The following TMEM114 variants were observed in gnomAD, a reference collection of about 807,000 sequenced individuals.
TMEM114 encodes the protein transmembrane protein 114, also known as claudin-26.
A neutral mutation model predicts 6.2 loss-of-function variants in TMEM114; 6 were observed. That is an observed-to-expected ratio of 0.97 (90% CI 0.53 to 1.91). The LOEUF (loss-of-function observed/expected upper bound fraction) is 1.91. Among genes scored for constraint, TMEM114 ranks in the 40% most tolerant of loss-of-function variants. The pLI is 0.01. For synonymous variants in TMEM114, 104 were observed against 73.0 expected, an observed-to-expected ratio of 1.42 and a Z score of -2.16; for missense variants, 218 against 158.3, an observed-to-expected ratio of 1.38 and a Z score of -2.02.
chr16:8,556,423 C>G (rs545025017), intron 2 of TMEM114, among the ~76,000 whole-genome samples: 56 of 152,292 alleles, frequency 3.7e-4, no homozygotes, highest in African/African-American at 1.3e-3. Context: ...TGTTCTAGAA[C>G]TAGATGGTGG....
At chr16:8,562,526 T>A (rs12924540) in intron 2 of TMEM114, among the ~76,000 whole-genome samples, 5 of 127,258 alleles carry the variant, frequency 3.9e-5, no homozygotes, top group Admixed American at 3.9e-4. Flanking sequence ...ATGAGTGAGT[T>A]AATGAGTGAG....
intron 3 of TMEM114, among the ~76,000 whole-genome samples, chr16:8,570,997 C>T (rs770635428): frequency 7.9e-5 from 12 of 152,050 alleles, no homozygotes; most frequent in Non-Finnish European, 1.5e-4. Flanking sequence ...ACTATTAATG[C>T]TAATAGTAAT....
intron 2 of TMEM114, 167 bp from the exon 3 acceptor site, chr16:8,572,391 C>G: frequency 1.3e-6 from 1 of 756,992 alleles, no homozygotes; most frequent in Non-Finnish European, 2.2e-6. Flanking sequence ...ACCATGACAA[C>G]AGTGGTTGAG....
intron 2 of TMEM114, among the ~76,000 whole-genome samples, chr16:8,579,454 T>TTA (rs562171900): frequency 0.027 from 4,083 of 150,554 alleles, 76 homozygotes; most frequent in Non-Finnish European, 0.043. Flanking sequence ...TTTTAAAATT[T>TTA]TATATATATA....
At chr16:8,587,314 GCTA>G (rs1902347435) in intron 2 of TMEM114, among the ~76,000 whole-genome samples, 1 of 152,150 alleles carries the variant, frequency 6.6e-6, no homozygotes, top group East Asian at 1.9e-4. Context: ...TGACTCATGG[GCTA>G]CTATGTGCCA....
chr16:8,550,428 T>G (rs9935926), intron 2 of TMEM114, among the ~76,000 whole-genome samples: 1 of 151,896 alleles, frequency 6.6e-6, no homozygotes, highest in Non-Finnish European at 1.5e-5. Context: ...CGCCTGCAAT[T>G]CCAGCACTTT....
At chr16:8,565,833 A>T (rs564354517), downstream of TMEM114, among the ~76,000 whole-genome samples, 6 of 152,284 alleles carry the variant, frequency 3.9e-5, no homozygotes, top group South Asian at 1.2e-3. Flanking sequence ...ATTTGGCTCC[A>T]TTGGGGCCCC....
downstream of TMEM114, among the ~76,000 whole-genome samples, chr16:8,532,908 C>T (rs1205180419): frequency 2.0e-5 from 3 of 151,536 alleles, no homozygotes; most frequent in Non-Finnish European, 2.9e-5. Flanking sequence ...TGGGTGACAG[C>T]GCAAGATTCC....
intron 3 of TMEM114, 47 bp from the exon 4 acceptor site, chr16:8,570,052 C>T: frequency 6.6e-7 from 1 of 1,514,630 alleles, no homozygotes; most frequent in South Asian, 1.3e-5. Context: ...CACCCCGCCC[C>T]AGCACTCCCC....
chr16:8,586,814 T>A lies in TMEM114; in HGVS notation c.301+2399A>T, dbSNP rs935159088. On this transcript the variant is annotated intron_variant, in intron 2 of 3. Transcript: ENST00000620492. ...CATGAGCCACCACGCCTGGCCGAATTCTTATAATTCTTGAAACAGTGCTTC... is the reference window on the plus strand; with the variant it reads ...CATGAGCCACCACGCCTGGCCGAATACTTATAATTCTTGAAACAGTGCTTC... Among the ~76,000 whole-genome samples, 6 of 152,084 alleles carry A rather than the reference T, an allele frequency of 3.9e-5. 1 individual carries two copies. The highest frequency in any genetic ancestry group is 1.4e-4 in the African/African-American group (6 of 41,408).
chr16:8,584,980 A>G (rs1320830491), intron 2 of TMEM114, among the ~76,000 whole-genome samples: 2 of 151,780 alleles, frequency 1.3e-5, no homozygotes, highest in African/African-American at 2.4e-5. Flanking sequence ...AGAAAAAGAC[A>G]CACCTGAGAC....
chr16:8,582,411 G>C (rs963377098), intron 2 of TMEM114, among the ~76,000 whole-genome samples: 2 of 152,234 alleles, frequency 1.3e-5, no homozygotes, highest in Non-Finnish European at 2.9e-5. Context: ...CTCTGAACCT[G>C]CTGTTCTGTC....
chr16:8,569,503 G>C lies in TMEM114; in HGVS notation c.*270C>G, dbSNP rs532395028. 27 of 1,370,942 alleles carry C rather than the reference G, an allele frequency of 2.0e-5. No individual in the cohort carries two copies. The highest frequency in any genetic ancestry group is 2.5e-5 in the Non-Finnish European group (27 of 1,060,952). 84.9% of individuals were successfully genotyped at this position (1,370,942 alleles called of 1,614,324 possible). On this transcript the variant is annotated 3_prime_UTR_variant, in exon 4 of 4. Coordinates refer to ENST00000620492, the MANE Select transcript of TMEM114 (RefSeq NM_001146336.2). ...TTGCAATCTGTAAAGCTCTGTGTGT[G>C]ATTAAAGGATCGTTTTTATTTCTCG... is the stretch of plus-strand genomic sequence containing the variant.
At chr16:8,538,097 G>A (rs1283648066) in intron 2 of TMEM114, among the ~76,000 whole-genome samples, 4 of 120,200 alleles carry the variant, frequency 3.3e-5, no homozygotes, top group East Asian at 5.3e-4. Flanking sequence ...CCAGGAGTTC[G>A]AGACCAGCCT....
rs557708881 is a variant in TMEM114 at position 8,576,197 on chromosome 16, C to T, written c.302-3973G>A. ...CTTCTCCCAGCTCATATGACTGTCC[C>T]TGCTTTCTCAATCACAGCCAGTCTG... On this transcript the variant is annotated intron_variant, in intron 2 of 3. Coordinates refer to ENST00000620492, the MANE Select transcript of TMEM114 (RefSeq NM_001146336.2). 3.3e-5 allele frequency among the ~76,000 whole-genome samples: 5 copies of T among 152,330 alleles called. No individual in the cohort carries two copies. In the East Asian group the frequency reaches 7.7e-4, roughly 23 times the overall value.
At chr16:8,577,456 T>A (rs1901980160) in intron 2 of TMEM114, among the ~76,000 whole-genome samples, 1 of 152,250 alleles carries the variant, frequency 6.6e-6, no homozygotes, top group Non-Finnish European at 1.5e-5. Context: ...TGACCTTAGG[T>A]AAGTCCCTTC....
At chr16:8,535,772 G>C (rs143408825), downstream of TMEM114, among the ~76,000 whole-genome samples, 3 of 152,306 alleles carry the variant, frequency 2.0e-5, no homozygotes, top group Non-Finnish European at 4.4e-5. Context: ...GACTCACTGC[G>C]TAGGGAGCCC....
intron 2 of TMEM114, among the ~76,000 whole-genome samples, chr16:8,547,429 G>C (rs1425833644): frequency 1.4e-5 from 2 of 145,170 alleles, no homozygotes; most frequent in East Asian, 2.0e-4. Flanking sequence ...GTCTCGCTCT[G>C]TCACCCAGGC....
At chr16:8,561,713 A>G (rs908427283) in intron 2 of TMEM114, among the ~76,000 whole-genome samples, 1 of 152,078 alleles carries the variant, frequency 6.6e-6, no homozygotes, top group Non-Finnish European at 1.5e-5. Context: ...GAATCAGTGA[A>G]TGAATGAGTG....
Sources: allele counts gnomAD v4.1 joint callset (sites outside exome capture counted in the v4.1 genomes callset), GRCh38; gene constraint gnomAD v4.1.1; transcripts MANE v1.5; gene names NCBI Gene and HGNC (gene_info 2026-07-23, HGNC 2026-07-21).